Variants in CHAF1A observed in about 807,000 individuals in gnomAD.
The protein encoded by CHAF1A is chromatin assembly factor 1 subunit A.
In CHAF1A, 5 loss-of-function variants were observed where a neutral mutation model predicts 93.2. That is an observed-to-expected ratio of 0.05 (90% CI 0.03 to 0.11). The LOEUF (loss-of-function observed/expected upper bound fraction) is 0.11, where lower values mean the gene tolerates loss of function less well. CHAF1A is among the 10% of genes least tolerant of loss of function. The pLI, the probability that CHAF1A is intolerant of heterozygous loss-of-function variation, is 1.00. For missense variants in CHAF1A, 1,102 were observed against 1,259.9 expected (o/e 0.87, Z 1.90); for synonymous variants, 504 against 510.3 (o/e 0.99, Z 0.17).
At chr19:4,406,685 A>G (rs1414411726) in intron 2 of CHAF1A, among the ~76,000 whole-genome samples, 1 of 152,144 alleles carries the variant, frequency 6.6e-6, no homozygotes, top group African/African-American at 2.4e-5. Flanking sequence ...CCCCTGCCTC[A>G]GCCTTTCAAA....
At chr19:4,447,312 G>C (rs1974554908), downstream of CHAF1A, 5 of 581,860 alleles carry the variant, frequency 8.6e-6, no homozygotes, top group East Asian at 1.1e-4. Context: ...CTGAAGAGGA[G>C]GAAAAGGATG....
chr19:4,410,946 G>C (rs957620587), intron 3 of CHAF1A, among the ~76,000 whole-genome samples: 1 of 152,192 alleles, frequency 6.6e-6, no homozygotes, highest in African/African-American at 2.4e-5. Flanking sequence ...AGGTCTTAGG[G>C]ACCAAACTGA....
At chr19:4,414,195 G>A (rs903607654) in intron 3 of CHAF1A, among the ~76,000 whole-genome samples, 2 of 152,146 alleles carry the variant, frequency 1.3e-5, no homozygotes, top group Non-Finnish European at 2.9e-5. Context: ...GAGCTTAGGA[G>A]TTCGAAACCA....
chr19:4,417,572 TG>T (rs1157512491), intron 3 of CHAF1A, among the ~76,000 whole-genome samples: 1 of 150,984 alleles, frequency 6.6e-6, no homozygotes, highest in Admixed American at 6.6e-5. Context: ...GCGATTCTTC[TG>T]CCTCAGCCTC....
chr19:4,431,842 C>T (rs1974187856), intron 11 of CHAF1A, 110 bp from the exon 12 acceptor site: 1 of 1,424,784 alleles, frequency 7.0e-7, no homozygotes, highest in East Asian at 2.3e-5. Context: ...GTTTTGTGCC[C>T]CTGTCCTTTC....
chr19:4,426,556 C>T (rs1974085151), intron 7 of CHAF1A, among the ~76,000 whole-genome samples: 1 of 151,348 alleles, frequency 6.6e-6, no homozygotes, highest in Non-Finnish European at 1.5e-5. Flanking sequence ...CTCACCACAA[C>T]CTCTGCCTCC....
intron 4 of CHAF1A, among the ~76,000 whole-genome samples, chr19:4,418,438 CAG>C (rs1307738791): frequency 1.7e-5 from 2 of 119,034 alleles, no homozygotes; most frequent in Admixed American, 1.2e-4. Context: ...TTTTTTGAGA[CAG>C]AGTCTCGCTC....
chr19:4,417,340 G>A (rs977171680), intron 3 of CHAF1A, among the ~76,000 whole-genome samples: 4 of 152,062 alleles, frequency 2.6e-5, no homozygotes, highest in African/African-American at 9.7e-5. Flanking sequence ...GGAGAAATTG[G>A]AAGGACCAGC....
intron 13 of CHAF1A, among the ~76,000 whole-genome samples, chr19:4,436,945 C>T (rs902547689): frequency 3.3e-5 from 5 of 152,184 alleles, no homozygotes; most frequent in Non-Finnish European, 7.3e-5. Flanking sequence ...GTTTATCATC[C>T]CTAACCACAA....
intron 1 of CHAF1A, among the ~76,000 whole-genome samples, chr19:4,404,607 G>A (rs568273785): frequency 1.3e-5 from 2 of 152,174 alleles, no homozygotes; most frequent in Non-Finnish European, 2.9e-5. Flanking sequence ...TGGGTGAGGG[G>A]TGGTTTCATG....
chr19:4,424,716 C>T (rs1055491743), intron 7 of CHAF1A, among the ~76,000 whole-genome samples: 6 of 152,206 alleles, frequency 3.9e-5, no homozygotes, highest in South Asian at 2.1e-4. Flanking sequence ...CTCACTGCAA[C>T]GTCCACCTCC....
rs1303802696 is a variant in CHAF1A, at chr19:4,437,256, G to T, written c.2673+3717G>T. On this transcript the variant is annotated intron_variant, in intron 13 of 14. Coordinates refer to ENST00000301280, the MANE Select transcript of CHAF1A (RefSeq NM_005483.3). ...CCTGGGGAGCAGGGTCTGGTCCTGT[G>T]TTTTTTTTCAGAGCTTGTGTGGGGA... Among the ~76,000 whole-genome samples the T allele has an allele frequency of 2.0e-5, 3 of 151,926 alleles. No homozygotes were observed. In the East Asian group the frequency reaches 5.8e-4, roughly 29 times the overall value.
At chr19:4,426,694 G>A (rs1378879090) in intron 7 of CHAF1A, among the ~76,000 whole-genome samples, 4 of 149,800 alleles carry the variant, frequency 2.7e-5, no homozygotes, top group African/African-American at 9.9e-5. Context: ...GGCTTGTCTT[G>A]AACTACTGAC....
chr19:4,445,665 C>T (rs1339116366), downstream of CHAF1A: 3 of 1,590,374 alleles, frequency 1.9e-6, no homozygotes, highest in Non-Finnish European at 2.6e-6. Flanking sequence ...CGAGAGTCGG[C>T]CCTTGCCGCG....
intron 2 of CHAF1A, 43 bp from the exon 3 acceptor site, chr19:4,408,860 A>G: frequency 6.4e-7 from 1 of 1,551,654 alleles, no homozygotes; most frequent in Non-Finnish European, 8.7e-7. Flanking sequence ...AGTGGTTGTA[A>G]CTTTAAACGT....
rs1974131086 is a variant in CHAF1A, at chr19:4,428,880, A to G, written c.1594A>G (p.Ile532Val). The change falls in exon 8 of 15, where the codon ATT becomes GTT. Residue 532 changes from isoleucine to valine, a missense_variant. Around this residue, in one of 6 missense-constraint regions of CHAF1A, gnomAD observed 335 missense variants for 361.9 expected, o/e 0.93. Transcript: ENST00000301280. ...PTHVSTRNADIFNSDVVIVER... is the reference protein window; with the variant it reads ...PTHVSTRNADVFNSDVVIVER... ...GCACGTTTCCACCCGGAATGCAGAT[A>G]TTTTTAACAGGTCAGAGCCTGAGGA... 7 of 1,613,406 alleles carry G rather than the reference A, an allele frequency of 4.3e-6. No individual in the cohort carries two copies. In the South Asian group the frequency reaches 7.7e-5, roughly 18 times the overall value.
rs1743956629 is a variant in CHAF1A, at chr19:4,402,676, C to CGCGG, written c.-81_-78dup. ...GCGGCGGCCGCGGCGGCAGCAGCGG[C>CGCGG]GCGGGCGGGAGGGCGAAGAGCAGCG... is the stretch of plus-strand genomic sequence containing the variant. On this transcript the variant is annotated 5_prime_UTR_variant, in exon 1 of 15. Coordinates refer to ENST00000301280, the MANE Select transcript of CHAF1A (RefSeq NM_005483.3). 5 of 896,278 alleles carry CGCGG rather than the reference C, an allele frequency of 5.6e-6. No individual in the cohort carries two copies. The highest frequency in any genetic ancestry group is 4.7e-5 in the Admixed American group (1 of 21,388). The allele number at this position is 896,278 out of a possible 1,614,324, so 55.5% of individuals were successfully genotyped here.
intron 11 of CHAF1A, 83 bp downstream of exon 11, chr19:4,430,724 A>AC (rs1974166886): frequency 2.8e-6 from 4 of 1,440,498 alleles, no homozygotes; most frequent in Non-Finnish European, 3.9e-6. Context: ...TGGGAGGGTG[A>AC]CGGGGGTCCC....
At position 4,442,953 on chromosome 19, in the gene CHAF1A, C is replaced by T. The variant is rs370650104; in HGVS notation, c.2799C>T (p.Ser933=). 2.4e-5 allele frequency: 38 copies of T among 1,603,074 alleles called. No individual in the cohort carries two copies. Among genetic ancestry groups the T allele is most frequent in the Non-Finnish European group, 2.6e-5 (31 of 1,175,632 alleles). The change falls in exon 15 of 15, where the codon TCC becomes TCT. Residue 933 remains serine (S), a synonymous_variant. Transcript: ENST00000301280. The stretch of plus-strand genomic sequence containing the variant: ...TCCAAGCCCCGTGTGGAGCCGCTTC[C>T]GGAGCTGGGGGTGGTGTGGGGGTGG... ...AEVQAPCGAA[S]GAGGGVGVDT... is the part of the protein sequence containing the mutation.
Sources: allele counts gnomAD v4.1 joint callset (sites outside exome capture counted in the v4.1 genomes callset), GRCh38; gene constraint gnomAD v4.1.1; regional missense constraint gnomAD v4.1.1; transcripts MANE v1.5; gene names NCBI Gene and HGNC (gene_info 2026-07-23, HGNC 2026-07-21).